The following ATP8A2 variants were observed in gnomAD, a reference collection of about 807,000 sequenced individuals.
ATP8A2 encodes the protein ATPase phospholipid transporting 8A2, also known as phospholipid-transporting ATPase IB.
Under a neutral mutation model 165.6 loss-of-function variants are expected in ATP8A2, and 100 were observed. That is an observed-to-expected ratio of 0.60 (90% confidence interval 0.51 to 0.71). ATP8A2 has a LOEUF of 0.71. Ranked by LOEUF, ATP8A2 falls within the 30% of genes least tolerant of loss-of-function variation. The probability of loss-of-function intolerance (pLI) is 0.00; values close to 1 mark genes in which losing one functional copy is unlikely to be tolerated. For missense variants in ATP8A2, 1,227 were observed against 1,479.5 expected (o/e 0.83, Z 2.80); for synonymous variants, 543 against 548.8 (o/e 0.99, Z 0.15).
At chr13:25,497,601 T>C (rs1359671801) in intron 2 of ATP8A2, among the ~76,000 whole-genome samples, 1 of 152,174 alleles carries the variant, frequency 6.6e-6, no homozygotes, top group Non-Finnish European at 1.5e-5. Context: ...CAAATATCTA[T>C]CATTTAGACC....
At chr13:25,607,424 G>A (rs2040546572) in intron 24 of ATP8A2, among the ~76,000 whole-genome samples, 3 of 152,154 alleles carry the variant, frequency 2.0e-5, no homozygotes, top group South Asian at 4.2e-4. Context: ...ACTCATATTG[G>A]GTTTACTTCT....
chr13:25,624,950 A>G (rs185367916), intron 24 of ATP8A2, among the ~76,000 whole-genome samples: 3 of 152,354 alleles, frequency 2.0e-5, no homozygotes, highest in Admixed American at 2.0e-4. Flanking sequence ...TTTACATAGG[A>G]ATTATCTCTA....
rs59679581 is a variant in ATP8A2, at chr13:25,953,546, AG to A, written c.3184-8028del. On this transcript the variant is annotated intron_variant, in intron 33 of 36. Coordinates refer to ENST00000381655, the MANE Select transcript of ATP8A2 (RefSeq NM_016529.6). This position sits in a 1 kb window ranked among gnomAD's most constrained non-coding sequence, Gnocchi z 6.7. The stretch of plus-strand genomic sequence containing the variant: ...TTAAAAAAAAAAAAAAAAAAAAAAA[AG>A]CAAGGGAAATAGGCAAGACGGCCAA... Among the ~76,000 whole-genome samples the A allele has an allele frequency of 5.2e-3, 422 of 81,610 alleles. 13 individuals are homozygous for A. The highest frequency in any genetic ancestry group is 6.7e-3 in the Middle Eastern group (1 of 150). The allele number at this position is 81,610 out of a possible 152,430, so 53.5% of individuals were successfully genotyped here.
At chr13:25,500,950 T>G (rs2036836475) in intron 2 of ATP8A2, among the ~76,000 whole-genome samples, 1 of 152,156 alleles carries the variant, frequency 6.6e-6, no homozygotes, top group Non-Finnish European at 1.5e-5. Context: ...TACCTGTGCA[T>G]TTTTTTATTT....
chr13:25,941,027 A>T (rs1955055499), intron 33 of ATP8A2, among the ~76,000 whole-genome samples: 1 of 152,040 alleles, frequency 6.6e-6, no homozygotes. Context: ...GGCCACATGG[A>T]TCCATCTTTG....
intron 33 of ATP8A2, among the ~76,000 whole-genome samples, chr13:25,920,843 G>A (rs1281213908): frequency 7.9e-5 from 12 of 152,350 alleles, no homozygotes; most frequent in Middle Eastern, 3.4e-3. Context: ...TTGGGAGGCC[G>A]AGGTGGGTGA....
In ATP8A2 at chr13:25,709,339, C is replaced by T. The variant is rs146617162; in HGVS notation, c.2384+9994C>T. On this transcript the variant is annotated intron_variant, in intron 25 of 36. Transcript: ENST00000381655. Reference sequence around the variant, plus strand: ...TATACAAGTGCCAAGTTAAAACTGCCTGTCAATCATTTGTGCATTTTTCCT... The same window carrying T: ...TATACAAGTGCCAAGTTAAAACTGCTTGTCAATCATTTGTGCATTTTTCCT... Among the ~76,000 whole-genome samples, 634 of 152,292 alleles carry T rather than the reference C, an allele frequency of 4.2e-3. 4 individuals are homozygous for T. Among genetic ancestry groups the T allele is most frequent in the African/African-American group, 0.014 (582 of 41,558 alleles).
rs1359311 is a variant in ATP8A2, at chr13:25,953,246, G to T, written c.3184-8329G>T. On this transcript the variant is annotated intron_variant, in intron 33 of 36. Coordinates refer to ENST00000381655, the MANE Select transcript of ATP8A2 (RefSeq NM_016529.6). The surrounding 1 kb of genome is among the most constrained non-coding windows in gnomAD (Gnocchi z 6.7). The stretch of plus-strand genomic sequence containing the variant: ...ACAATTTGAAGTTGGCACTGGTGTT[G>T]CTGGGCCAACCAGCATCTTGAGGAC... 0.65 allele frequency among the ~76,000 whole-genome samples: 98,228 copies of T among 151,838 alleles called. 32,724 individuals carry two copies. Among genetic ancestry groups the T allele is most frequent in the East Asian group, 0.96 (4,949 of 5,150 alleles).
At chr13:25,939,217 G>C (rs1954999859) in intron 33 of ATP8A2, among the ~76,000 whole-genome samples, 1 of 151,856 alleles carries the variant, frequency 6.6e-6, no homozygotes. Flanking sequence ...CCCATTTTTT[G>C]CCTCCATACC....
chr13:25,636,177 G>A (rs75316344), intron 24 of ATP8A2, among the ~76,000 whole-genome samples: 1,555 of 152,228 alleles, frequency 0.01, 25 homozygotes, highest in African/African-American at 0.034. Context: ...GAATATCTCA[G>A]AATTATGAAA....
intron 25 of ATP8A2, among the ~76,000 whole-genome samples, chr13:25,753,010 G>A (rs1004164258): frequency 6.6e-6 from 1 of 152,134 alleles, no homozygotes; most frequent in Admixed American, 6.5e-5. Context: ...GTGGAGTACT[G>A]GGGGGCACCA....
At chr13:25,709,350 T>C (rs2043114852) in intron 25 of ATP8A2, among the ~76,000 whole-genome samples, 1 of 152,224 alleles carries the variant, frequency 6.6e-6, no homozygotes, top group South Asian at 2.1e-4. Flanking sequence ...TGTCAATCAT[T>C]TGTGCATTTT....
At chr13:25,909,508 A>G (rs1245797603) in intron 33 of ATP8A2, among the ~76,000 whole-genome samples, 1 of 152,214 alleles carries the variant, frequency 6.6e-6, no homozygotes, top group Non-Finnish European at 1.5e-5. Flanking sequence ...TCGTATTATT[A>G]TGCATTTTAG....
chr13:25,468,410 C>A (rs1362031625), intron 1 of ATP8A2, among the ~76,000 whole-genome samples: 5 of 152,206 alleles, frequency 3.3e-5, no homozygotes, highest in Admixed American at 3.3e-4. Context: ...CCTGGGGTCT[C>A]CGAAGCCCAT....
In ATP8A2 at chr13:25,403,018, A is replaced by G. The variant is rs191362827; in HGVS notation, c.76+30730A>G. 1.3e-4 allele frequency among the ~76,000 whole-genome samples: 20 copies of G among 152,304 alleles called. 1 individual carries two copies. The highest frequency in any genetic ancestry group is 3.4e-3 in the Middle Eastern group (1 of 294). On this transcript the variant is annotated intron_variant, in intron 1 of 36. Coordinates refer to ENST00000381655, the MANE Select transcript of ATP8A2 (RefSeq NM_016529.6). ...TGGACTCATTCCCTGAATCCCTTTTATAAGGGCACCAGTCCTCTCCATGAG... is the reference window on the plus strand; with the variant it reads ...TGGACTCATTCCCTGAATCCCTTTTGTAAGGGCACCAGTCCTCTCCATGAG...
chr13:25,417,864 A>G (rs932024072), intron 1 of ATP8A2, among the ~76,000 whole-genome samples: 14 of 152,228 alleles, frequency 9.2e-5, no homozygotes, highest in Non-Finnish European at 1.9e-4. Context: ...TTAAGCATAA[A>G]CAGATATACA....
At chr13:25,489,099 G>C (rs1431629607) in intron 2 of ATP8A2, among the ~76,000 whole-genome samples, 1 of 152,076 alleles carries the variant, frequency 6.6e-6, no homozygotes, top group Non-Finnish European at 1.5e-5. Flanking sequence ...ACCTGTGACA[G>C]AGTTTCCCTT....
At chr13:25,503,243 C>G (rs555364828) in intron 2 of ATP8A2, among the ~76,000 whole-genome samples, 12 of 152,200 alleles carry the variant, frequency 7.9e-5, no homozygotes, top group African/African-American at 2.9e-4. Context: ...GCATCGAGAC[C>G]GAGTCCAAGG....
In ATP8A2 at chr13:25,431,502, C is replaced by T. The variant is rs991851438; in HGVS notation, c.77-37475C>T. ...CTAATAGTAACTTTTACTTCGGCGGCGGGGGGGGAATCTCATACAATTATG... is the reference window on the plus strand; with the variant it reads ...CTAATAGTAACTTTTACTTCGGCGGTGGGGGGGGAATCTCATACAATTATG... On this transcript the variant is annotated intron_variant, in intron 1 of 36. Coordinates refer to ENST00000381655, the MANE Select transcript of ATP8A2 (RefSeq NM_016529.6). Among the ~76,000 whole-genome samples, 5 of 151,450 alleles carry T rather than the reference C, an allele frequency of 3.3e-5. No homozygotes were observed. In the South Asian group the frequency reaches 6.3e-4, roughly 19 times the overall value.
Sources: allele counts gnomAD v4.1 joint callset (sites outside exome capture counted in the v4.1 genomes callset), GRCh38; gene constraint gnomAD v4.1.1; non-coding constraint Gnocchi (gnomAD v3.1); transcripts MANE v1.5; gene names NCBI Gene and HGNC (gene_info 2026-07-23, HGNC 2026-07-21).